Variants in EMSY observed in about 807,000 individuals in gnomAD.
EMSY encodes the protein BRCA2-interacting transcriptional repressor EMSY.
In EMSY, 26 loss-of-function variants were observed where a neutral mutation model predicts 134.6. That is an observed-to-expected ratio of 0.19 (90% CI 0.14 to 0.27). The LOEUF is 0.27. Ranked by LOEUF, EMSY falls within the 10% of genes least tolerant of loss-of-function variation. The probability of loss-of-function intolerance (pLI) is 1.00; values close to 1 mark genes in which losing one functional copy is unlikely to be tolerated. For synonymous variants in EMSY, 579 were observed against 577.8 expected (o/e 1.00, Z -0.03); for missense variants, 1,305 against 1,611.4 (o/e 0.81, Z 3.26).
At chr11:76,485,888 A>G (rs557140014) in intron 8 of EMSY, among the ~76,000 whole-genome samples, 1 of 152,256 alleles carries the variant, frequency 6.6e-6, no homozygotes, top group Admixed American at 6.5e-5. Context: ...TGACCCAGCA[A>G]TCCCATTACT....
intron 8 of EMSY, among the ~76,000 whole-genome samples, chr11:76,489,111 A>G (rs1031826890): frequency 2.0e-5 from 3 of 152,250 alleles, no homozygotes; most frequent in African/African-American, 4.8e-5. Flanking sequence ...GTACATGCCA[A>G]TGCCTTGTGG....
chr11:76,463,884 C>T (rs781232534), exon 7 of EMSY: 2 of 1,614,196 alleles, frequency 1.2e-6, no homozygotes, highest in Non-Finnish European at 1.7e-6. Flanking sequence ...TCTTCCAGCT[C>T]CTCTCCTGTT....
At chr11:76,518,858 T>TG (rs34259028) in intron 11 of EMSY, among the ~76,000 whole-genome samples, 22 of 143,094 alleles carry the variant, frequency 1.5e-4, no homozygotes, top group Non-Finnish European at 2.6e-4. Context: ...ATAGGCTGTC[T>TG]TGTGTGTGTG....
At chr11:76,446,163 G>A (rs2134648661) in intron 1 of EMSY, among the ~76,000 whole-genome samples, 1 of 152,102 alleles carries the variant, frequency 6.6e-6, no homozygotes, top group South Asian at 2.1e-4. Flanking sequence ...TATTGCGCGT[G>A]CCCCCAGAGC....
At chr11:76,536,099 T>G (rs769414162) in intron 15 of EMSY, 40 bp downstream of exon 16, 19 of 1,362,982 alleles carry the variant, frequency 1.4e-5, no homozygotes, top group Non-Finnish European at 1.7e-5. Flanking sequence ...GCATGTTTTC[T>G]CTAGAGACGG....
At chr11:76,505,464 A>G (rs1223630697) in intron 9 of EMSY, among the ~76,000 whole-genome samples, 1 of 150,072 alleles carries the variant, frequency 6.7e-6, no homozygotes, top group African/African-American at 2.5e-5. Context: ...TTGTAAAACT[A>G]TAAAAATATA....
intron 17 of EMSY, among the ~76,000 whole-genome samples, chr11:76,539,925 C>G (rs1490891996): frequency 1.3e-5 from 2 of 152,132 alleles, no homozygotes; most frequent in Non-Finnish European, 2.9e-5. Flanking sequence ...AGGGTTTATT[C>G]TGTGACCTTC....
exon 2 of EMSY, chr11:76,446,969 C>T (rs1469620406): frequency 6.2e-7 from 1 of 1,613,456 alleles, no homozygotes; most frequent in East Asian, 2.2e-5. Flanking sequence ...CCTTCTGGAT[C>T]TCAGCAGGGA....
intron 10 of EMSY, 83 bp from the exon 12 acceptor site, chr11:76,516,059 A>T: frequency 8.5e-7 from 1 of 1,174,232 alleles, no homozygotes. Flanking sequence ...TGTAGATTAT[A>T]TGGAATTACA....
At chr11:76,532,405 G>A (rs75668510) in intron 14 of EMSY, among the ~76,000 whole-genome samples, 4,284 of 146,732 alleles carry the variant, frequency 0.029, 90 homozygotes, top group East Asian at 0.097. Context: ...GGCCTTTTAA[G>A]TAGTAAGTAG....
At chr11:76,477,183 C>T (rs910055938) in intron 8 of EMSY, among the ~76,000 whole-genome samples, 2 of 150,792 alleles carry the variant, frequency 1.3e-5, no homozygotes, top group Non-Finnish European at 3.0e-5. Flanking sequence ...TAAGGGTATT[C>T]TAAGGATATA....
At chr11:76,494,708 TTCCTTCCTTCCTTCC>T (rs1192456312) in intron 8 of EMSY, among the ~76,000 whole-genome samples, 141 of 102,794 alleles carry the variant, frequency 1.4e-3, no homozygotes, top group African/African-American at 3.0e-3. Flanking sequence ...CCTTCCTTCC[TTCCTTCCTTCCTTCC>T]TTCCTTCCTT....
At chr11:76,540,876 G>A (rs543985375) in intron 17 of EMSY, among the ~76,000 whole-genome samples, 1 of 152,286 alleles carries the variant, frequency 6.6e-6, no homozygotes, top group East Asian at 1.9e-4. Context: ...CTAATTCAAA[G>A]GGTTAGTTTC....
chr11:76,546,591 A>C (rs1263106411), intron 20 of EMSY, among the ~76,000 whole-genome samples: 1 of 152,206 alleles, frequency 6.6e-6, no homozygotes, highest in African/African-American at 2.4e-5. Flanking sequence ...TATACTTGCC[A>C]ATGTGTTCAC....
intron 8 of EMSY, among the ~76,000 whole-genome samples, chr11:76,490,250 T>C (rs1362990395): frequency 1.3e-5 from 2 of 152,054 alleles, no homozygotes; most frequent in Non-Finnish European, 2.9e-5. Context: ...AAATAGTTGC[T>C]CTAGAGTAGG....
rs575145415 is a variant in EMSY, at chr11:76,537,449, GT to G, written c.2360-344del. On this transcript the variant is annotated intron_variant, in intron 15 of 20. Coordinates refer to ENST00000334736, the Ensembl canonical transcript of EMSY. ...CTGCTTATTCACCCTTTGTTTTTAG[GT>G]TGATGAACTCAAGACCACAGGGAAT... 1.7e-4 allele frequency among the ~76,000 whole-genome samples: 26 copies of G among 152,218 alleles called. No individual in the cohort carries two copies. The South Asian group carries it at 5.4e-3, about 32-fold the overall frequency.
At chr11:76,528,805 G>A (rs1361221397) in intron 14 of EMSY, among the ~76,000 whole-genome samples, 2 of 151,994 alleles carry the variant, frequency 1.3e-5, no homozygotes, top group African/African-American at 4.8e-5. Flanking sequence ...AGGAGAAAAC[G>A]TATGTAAAGA....
chr11:76,448,346 A>C (rs1398121066), intron 2 of EMSY, among the ~76,000 whole-genome samples: 1 of 151,706 alleles, frequency 6.6e-6, no homozygotes, highest in Non-Finnish European at 1.5e-5. Flanking sequence ...TTTTTTAACC[A>C]AACTTTTAGT....
chr11:76,488,830 A>T (rs1477579896), intron 8 of EMSY, among the ~76,000 whole-genome samples: 1 of 152,178 alleles, frequency 6.6e-6, no homozygotes, highest in East Asian at 1.9e-4. Context: ...GGTAATTCTC[A>T]TCCTGGGCAA....
Sources: allele counts gnomAD v4.1 joint callset (sites outside exome capture counted in the v4.1 genomes callset), GRCh38; gene constraint gnomAD v4.1.1; transcripts MANE v1.5; gene names NCBI Gene and HGNC (gene_info 2026-07-23, HGNC 2026-07-21).